NIBAN2: variants seen among roughly 807,000 people sequenced by gnomAD.
NIBAN2 encodes protein Niban 2.
Under a neutral mutation model 81.8 loss-of-function variants are expected in NIBAN2, and 36 were observed. The observed-to-expected ratio is 0.44, with a 90% confidence interval of 0.34 to 0.58. The LOEUF (loss-of-function observed/expected upper bound fraction) is 0.58. Among genes scored for constraint, NIBAN2 ranks in the 20% least tolerant of loss-of-function variants. The pLI is 0.02. For synonymous variants in NIBAN2, 445 were observed against 441.6 expected, an observed-to-expected ratio of 1.01 and a Z score of -0.10; for missense variants, 897 against 1,014.1, an observed-to-expected ratio of 0.88 and a Z score of 1.57.
At chr9:127,542,948 C>T (rs1312121232) in intron 1 of NIBAN2, among the ~76,000 whole-genome samples, 2 of 152,204 alleles carry the variant, frequency 1.3e-5, no homozygotes. Context: ...TGGCCTCGAA[C>T]TCCTGACCTC....
intron 1 of NIBAN2, among the ~76,000 whole-genome samples, chr9:127,546,572 G>A (rs1199711023): frequency 2.6e-5 from 4 of 152,080 alleles, no homozygotes; most frequent in Non-Finnish European, 5.9e-5. Flanking sequence ...ACTCAGCCCC[G>A]CCCCATCAGA....
rs1384906108 is a variant in NIBAN2, at chr9:127,545,963, G to A, written c.56-14185C>T. ...GAGCCCAGGATGAGGCATGCCTGCC[G>A]TCTGGGAACACAGATCCTCGCTGGG... On this transcript the variant is annotated intron_variant, in intron 1 of 13. Coordinates refer to ENST00000373312, the MANE Select transcript of NIBAN2 (RefSeq NM_022833.4). This position sits in a 1 kb window ranked among gnomAD's most constrained non-coding sequence, Gnocchi z 4.7. Among the ~76,000 whole-genome samples the A allele has an allele frequency of 5.3e-5, 8 of 152,060 alleles. No homozygotes were observed. Among genetic ancestry groups the A allele is most frequent in the Non-Finnish European group, 8.8e-5 (6 of 67,992 alleles).
chr9:127,520,848 C>T lies in NIBAN2; in HGVS notation c.589+2831G>A, dbSNP rs1043802504. Among the ~76,000 whole-genome samples, 6 of 152,186 alleles carry T rather than the reference C, an allele frequency of 3.9e-5. No individual in the cohort carries two copies. In the East Asian group the frequency reaches 7.8e-4, roughly 20 times the overall value. On this transcript the variant is annotated intron_variant, in intron 5 of 13. Coordinates refer to ENST00000373312, the MANE Select transcript of NIBAN2 (RefSeq NM_022833.4). ...GCAGTGAGCCGAGATTGCGCCACTGCACTCCAGCCTGGGTGACAGAGCAAG... is the reference window on the plus strand; with the variant it reads ...GCAGTGAGCCGAGATTGCGCCACTGTACTCCAGCCTGGGTGACAGAGCAAG...
At position 127,507,914 on chromosome 9, in the gene NIBAN2, G is replaced by T; in HGVS notation, c.1607C>A (p.Thr536Lys). ...DFARFILVEN[T>K]YEEVVLQTVM... The stretch of plus-strand genomic sequence containing the variant: ...GGTCTGCAGCACCACCTCCTCGTAC[G>T]TGTTTTCCACCAGGATGAACCTGGC... Residue 536 changes from threonine to lysine, a missense_variant, in exon 13 of 14, where the codon ACG becomes AAG. Coordinates refer to ENST00000373312, the MANE Select transcript of NIBAN2 (RefSeq NM_022833.4). This position sits in a 1 kb window ranked among gnomAD's most constrained non-coding sequence, Gnocchi z 6.8. 6.2e-7 allele frequency: 1 copy of T among 1,614,192 alleles called. No individual in the cohort carries two copies. The highest frequency in any genetic ancestry group is 8.5e-7 in the Non-Finnish European group (1 of 1,180,040).
In NIBAN2 at chr9:127,523,674, C is replaced by G; in HGVS notation, c.589+5G>C. The G allele has an allele frequency of 6.2e-7, 1 of 1,606,194 alleles. No homozygotes were observed. Among genetic ancestry groups the G allele is most frequent in the Non-Finnish European group, 8.5e-7 (1 of 1,173,686 alleles). On this transcript the variant is annotated splice_donor_5th_base_variant and intron_variant, in intron 5 of 13. Coordinates refer to ENST00000373312, the MANE Select transcript of NIBAN2 (RefSeq NM_022833.4). ...CCACCGACCCTGCACCCACAGGCCACTCACCATTGTTGCAGTGCCGGATGC... is the reference window on the plus strand; with the variant it reads ...CCACCGACCCTGCACCCACAGGCCAGTCACCATTGTTGCAGTGCCGGATGC...
rs760600664 is a variant in NIBAN2 at position 127,527,503 on chromosome 9, AGAG to A, written c.187-184_187-182del. On this transcript the variant is annotated intron_variant, in intron 2 of 13. Coordinates refer to ENST00000373312, the MANE Select transcript of NIBAN2 (RefSeq NM_022833.4). ...CCGGGCTGCATCTCATCCATTCTGC[AGAG>A]GAGGAGCGAGACTCGGAGCCGTGGA... Among the ~76,000 whole-genome samples the A allele has an allele frequency of 9.8e-5, 15 of 152,326 alleles. No homozygotes were observed. The East Asian group carries it at 1.5e-3, about 16-fold the overall frequency.
At chr9:127,558,415 C>T (rs960864486) in intron 1 of NIBAN2, among the ~76,000 whole-genome samples, 1 of 152,106 alleles carries the variant, frequency 6.6e-6, no homozygotes, top group African/African-American at 2.4e-5. Context: ...GCTCTGGTGC[C>T]CCTGAGAGCA....
intron 9 of NIBAN2, among the ~76,000 whole-genome samples, 185 bp from the exon 10 acceptor site, chr9:127,509,316 T>A (rs1353622403): frequency 6.6e-6 from 1 of 152,092 alleles, no homozygotes; most frequent in Non-Finnish European, 1.5e-5. Flanking sequence ...AGCATGAGGC[T>A]CTGAAGGCAT....
chr9:127,540,281 TG>T (rs1837353474), intron 1 of NIBAN2, among the ~76,000 whole-genome samples: 1 of 151,970 alleles, frequency 6.6e-6, no homozygotes, highest in Non-Finnish European at 1.5e-5. Flanking sequence ...CTTGGGGAGC[TG>T]GGGGATGGGG....
intron 1 of NIBAN2, among the ~76,000 whole-genome samples, chr9:127,554,892 C>G (rs938774947): frequency 3.9e-5 from 6 of 151,972 alleles, no homozygotes; most frequent in East Asian, 3.9e-4. Context: ...AACCACTGCA[C>G]CCACCCAGGT....
intron 1 of NIBAN2, among the ~76,000 whole-genome samples, chr9:127,565,259 GC>G (rs917790530): frequency 1.2e-4 from 19 of 152,016 alleles, no homozygotes; most frequent in Admixed American, 9.2e-4. Flanking sequence ...ACCACGCCTG[GC>G]CTGTGCACAC....
At chr9:127,520,795 A>G (rs1836924943) in intron 5 of NIBAN2, among the ~76,000 whole-genome samples, 1 of 152,058 alleles carries the variant, frequency 6.6e-6, no homozygotes, top group Non-Finnish European at 1.5e-5. Context: ...GAGGCAGGAG[A>G]ATCACTTGAA....
intron 1 of NIBAN2, among the ~76,000 whole-genome samples, chr9:127,575,002 C>A (rs1837991116): frequency 6.6e-6 from 1 of 152,238 alleles, no homozygotes; most frequent in Admixed American, 6.5e-5. Context: ...GCATTCCTCA[C>A]TGGGAGCCAG....
chr9:127,510,434 CATTATT>C, intron 8 of NIBAN2, 101 bp from the exon 9 acceptor site: 1 of 730,354 alleles, frequency 1.4e-6, no homozygotes, highest in South Asian at 3.8e-5. Flanking sequence ...CTATTATTAT[CATTATT>C]ATTATATTTT....
chr9:127,516,390 C>T (rs760848233), intron 8 of NIBAN2, among the ~76,000 whole-genome samples: 9 of 152,030 alleles, frequency 5.9e-5, no homozygotes, highest in Non-Finnish European at 1.2e-4. Context: ...ACTAAATACA[C>T]AAAAGTTAGC....
At chr9:127,535,517 C>T (rs558881212) in intron 1 of NIBAN2, among the ~76,000 whole-genome samples, 85 of 152,176 alleles carry the variant, frequency 5.6e-4, no homozygotes, top group Non-Finnish European at 9.4e-4. Flanking sequence ...GTGCAGGGAC[C>T]CCGCTGCCTG....
At chr9:127,518,537 C>G (rs1364148027) in intron 5 of NIBAN2, among the ~76,000 whole-genome samples, 2 of 152,264 alleles carry the variant, frequency 1.3e-5, no homozygotes, top group Non-Finnish European at 2.9e-5. Flanking sequence ...CACGGACCAT[C>G]CAGAAACAAA....
rs757198609 is a variant in NIBAN2, at chr9:127,527,353, C to T, written c.187-31G>A. 3.7e-6 allele frequency: 6 copies of T among 1,605,414 alleles called. No individual in the cohort carries two copies. In the East Asian group the frequency reaches 1.3e-4, roughly 36 times the overall value. On this transcript the variant is annotated intron_variant, in intron 2 of 13. Transcript: ENST00000373312. ...GGCAGGAGCGGGTGGGGAGTGAGGC[C>T]CAGGTCTGGGGGGGTGGTGCTCCCC...
rs953430644 is a variant in NIBAN2, at chr9:127,517,724, G to A, written c.705+102C>T. The A allele has an allele frequency of 2.5e-5, 20 of 803,738 alleles. No homozygotes were observed. The highest frequency in any genetic ancestry group is 1.5e-4 in the Admixed American group (7 of 45,326). The allele number at this position is 803,738 out of a possible 1,614,324, so 49.8% of individuals were successfully genotyped here. ...TAAGCATGTCATCTCCTTCCAAACC[G>A]GCAGCGCCCCAGAGCCCCATCTCTG... On this transcript the variant is annotated intron_variant, in intron 6 of 13. Transcript: ENST00000373312. The surrounding 1 kb of genome is among the most constrained non-coding windows in gnomAD (Gnocchi z 4.0).
Sources: gnomAD v4.1 joint callset for allele counts (sites outside exome capture counted in the v4.1 genomes callset) on GRCh38, gnomAD v4.1.1 for gene constraint, Gnocchi (gnomAD v3.1) non-coding constraint, MANE v1.5 for transcripts, NCBI Gene and HGNC (gene_info 2026-07-23, HGNC 2026-07-21) for gene names.